Variants in MCTP1 observed in about 807,000 individuals in gnomAD.
The protein encoded by MCTP1 is multiple C2 and transmembrane domain-containing protein 1.
In MCTP1, 69 loss-of-function variants were observed where a neutral mutation model predicts 120.6. The observed-to-expected ratio is 0.57, with a 90% CI of 0.47 to 0.70. The LOEUF (loss-of-function observed/expected upper bound fraction) is 0.70, where lower values mean the gene tolerates loss of function less well. MCTP1 is among the 30% of genes least tolerant of loss of function. The pLI, the probability that MCTP1 is intolerant of heterozygous loss-of-function variation, is 0.00. For missense variants in MCTP1, 1,203 were observed against 1,248.8 expected (o/e 0.96, Z 0.55); for synonymous variants, 529 against 493.1 (o/e 1.07, Z -0.96).
chr5:95,147,071 ATTTAT>A (rs1233837528), intron 1 of MCTP1, among the ~76,000 whole-genome samples: 4 of 151,876 alleles, frequency 2.6e-5, no homozygotes, highest in African/African-American at 9.7e-5. Context: ...TTGGGTGCTT[ATTTAT>A]TTTATTTTAT....
At chr5:95,132,495 T>G (rs1315697398) in intron 1 of MCTP1, among the ~76,000 whole-genome samples, 1 of 152,218 alleles carries the variant, frequency 6.6e-6, no homozygotes, top group Non-Finnish European at 1.5e-5. Flanking sequence ...CAGAGAAGTA[T>G]TCCGATAGAA....
intron 1 of MCTP1, among the ~76,000 whole-genome samples, chr5:95,196,853 T>C (rs917970739): frequency 1.3e-5 from 2 of 152,186 alleles, no homozygotes; most frequent in African/African-American, 4.8e-5. Context: ...AATGGTCACT[T>C]TTCAAAATAA....
At position 95,109,536 on chromosome 5, in the gene MCTP1, C is replaced by T. The variant is rs1020755813; in HGVS notation, c.721-92052G>A. ...CTGTCCCTTTAAATTACAGAGTTTT[C>T]TAACCATAAATTGAAAAAAAAAATT... On this transcript the variant is annotated intron_variant, in intron 1 of 22. Transcript: ENST00000515393. Among the ~76,000 whole-genome samples the T allele has an allele frequency of 3.3e-5, 5 of 151,984 alleles. No homozygotes were observed. The East Asian group carries it at 9.6e-4, about 29-fold the overall frequency.
intron 1 of MCTP1, among the ~76,000 whole-genome samples, chr5:95,150,450 CA>C (rs1760785626): frequency 6.6e-6 from 1 of 152,128 alleles, no homozygotes; most frequent in African/African-American, 2.4e-5. Context: ...AAGTAAGAGT[CA>C]ATGAACTATA....
At chr5:95,261,126 A>T (rs534886952) in intron 1 of MCTP1, among the ~76,000 whole-genome samples, 1 of 152,162 alleles carries the variant, frequency 6.6e-6, no homozygotes, top group African/African-American at 2.4e-5. Flanking sequence ...TCCCAGCCCT[A>T]TTCATTGATT....
chr5:95,069,993 G>A (rs1751729158), intron 1 of MCTP1, among the ~76,000 whole-genome samples: 1 of 152,150 alleles, frequency 6.6e-6, no homozygotes, highest in African/African-American at 2.4e-5. Flanking sequence ...GAGAGCCATC[G>A]TGCCCGGCCG....
At chr5:95,248,400 G>A (rs1757037566) in intron 1 of MCTP1, among the ~76,000 whole-genome samples, 1 of 152,150 alleles carries the variant, frequency 6.6e-6, no homozygotes, top group South Asian at 2.1e-4. Context: ...GCCAAATCAT[G>A]AGTGAACTCC....
chr5:95,062,561 T>C (rs1749511377), intron 1 of MCTP1, among the ~76,000 whole-genome samples: 2 of 152,196 alleles, frequency 1.3e-5, no homozygotes, highest in African/African-American at 4.8e-5. Context: ...GGATGGTATT[T>C]TGAACGCATT....
chr5:95,198,198 T>C (rs1750609004), intron 1 of MCTP1, among the ~76,000 whole-genome samples: 1 of 152,038 alleles, frequency 6.6e-6, no homozygotes, highest in South Asian at 2.1e-4. Context: ...TGCATAGAGA[T>C]TAGGATTGAG....
At chr5:95,110,696 T>C (rs1341664585) in intron 1 of MCTP1, among the ~76,000 whole-genome samples, 1 of 152,072 alleles carries the variant, frequency 6.6e-6, no homozygotes, top group Admixed American at 6.6e-5. Context: ...AGTATACCAA[T>C]TTTACTATTA....
intron 19 of MCTP1, among the ~76,000 whole-genome samples, chr5:94,766,588 G>A (rs1772786606): frequency 6.6e-6 from 1 of 151,960 alleles, no homozygotes; most frequent in African/African-American, 2.4e-5. Flanking sequence ...CGAGTTAACG[G>A]ATGCAGCACA....
intron 11 of MCTP1, among the ~76,000 whole-genome samples, chr5:94,889,784 C>A (rs1327796359): frequency 1.0e-5 from 1 of 100,042 alleles, no homozygotes; most frequent in South Asian, 3.3e-4. Flanking sequence ...ACACACACAC[C>A]CCTCTATGTG....
At chr5:94,799,159 G>C (rs1356625460) in intron 17 of MCTP1, 27 bp from the exon 18 acceptor site, 5 of 1,592,812 alleles carry the variant, frequency 3.1e-6, no homozygotes, top group Non-Finnish European at 4.3e-6. Context: ...AGAGAAGAAG[G>C]GATGAGTCAA....
chr5:94,866,541 T>A (rs1335997663), intron 17 of MCTP1, among the ~76,000 whole-genome samples: 1 of 107,764 alleles, frequency 9.3e-6, no homozygotes, highest in Non-Finnish European at 1.9e-5. Context: ...TATGCCTGAT[T>A]CCCTCTTTTT....
At chr5:95,188,734 G>T (rs977672896) in intron 1 of MCTP1, among the ~76,000 whole-genome samples, 6 of 152,122 alleles carry the variant, frequency 3.9e-5, no homozygotes, top group African/African-American at 1.4e-4. Flanking sequence ...GATCTTTGTG[G>T]TGACAAAACT....
chr5:95,208,257 T>A (rs948257937), intron 1 of MCTP1, among the ~76,000 whole-genome samples: 2 of 152,058 alleles, frequency 1.3e-5, no homozygotes, highest in African/African-American at 2.4e-5. Context: ...GTCCAGCTAA[T>A]TTTTTCTATT....
At chr5:95,068,630 A>T (rs1751300852) in intron 1 of MCTP1, among the ~76,000 whole-genome samples, 1 of 152,196 alleles carries the variant, frequency 6.6e-6, no homozygotes. Context: ...TTTTCTACTT[A>T]GTTCACTTCC....
chr5:95,144,497 G>A (rs1760208231), intron 1 of MCTP1, among the ~76,000 whole-genome samples: 1 of 151,850 alleles, frequency 6.6e-6, no homozygotes, highest in Non-Finnish European at 1.5e-5. Flanking sequence ...GTGTTAAGAA[G>A]AGTATTTTCG....
At chr5:94,991,144 C>T (rs1401228176) in intron 2 of MCTP1, among the ~76,000 whole-genome samples, 4 of 152,184 alleles carry the variant, frequency 2.6e-5, no homozygotes, top group Non-Finnish European at 5.9e-5. Flanking sequence ...TTCCCAATGA[C>T]ATTTTAAAGA....
Sources: gnomAD v4.1 joint callset for allele counts (sites outside exome capture counted in the v4.1 genomes callset) on GRCh38, gnomAD v4.1.1 for gene constraint, MANE v1.5 for transcripts, NCBI Gene and HGNC (gene_info 2026-07-23, HGNC 2026-07-21) for gene names.